The following ALDH1A2 variants were observed in gnomAD, a reference collection of about 807,000 sequenced individuals.
ALDH1A2 encodes the protein aldehyde dehydrogenase 1 family member A2, also known as retinal dehydrogenase 2.
In ALDH1A2, 27 loss-of-function variants were observed where a neutral mutation model predicts 60.3. That is an observed-to-expected ratio of 0.45 (90% CI 0.33 to 0.62). The LOEUF is 0.62. ALDH1A2 is among the 20% of genes least tolerant of loss of function. ALDH1A2 has a pLI of 0.02. For missense variants in ALDH1A2, 581 were observed against 643.8 expected (o/e 0.90, Z 1.06); for synonymous variants, 289 against 232.4 (o/e 1.24, Z -2.21).
Position 57,962,149 on chromosome 15 carries a change from A to G in ALDH1A2, c.1114T>C (p.Leu372=). 1.2e-6 allele frequency: 2 copies of G among 1,614,184 alleles called. No individual in the cohort carries two copies. The highest frequency in any genetic ancestry group is 2.2e-5 in the South Asian group (2 of 91,088). Residue 372 remains leucine, a synonymous_variant, in exon 10 of 13, where the codon TTG becomes CTG. Transcript: ENST00000249750. ...GCCACACCACTCTGGATGAGTTCCA[A>G]GATCTTGTTGTACTGTTTCTTATCA... ...QIDKKQYNKI[L]ELIQSGVAEG... is the part of the protein sequence containing the mutation.
At chr15:58,006,064 G>T (rs572507489) in intron 4 of ALDH1A2, among the ~76,000 whole-genome samples, 17 of 151,548 alleles carry the variant, frequency 1.1e-4, no homozygotes, top group Admixed American at 5.9e-4. Context: ...AGTACAGGTG[G>T]TGTTTGGTTA....
chr15:57,975,273 G>T (rs564062994), intron 7 of ALDH1A2, among the ~76,000 whole-genome samples: 1 of 152,296 alleles, frequency 6.6e-6, no homozygotes, highest in South Asian at 2.1e-4. Flanking sequence ...GCTTTTATTA[G>T]TCCCAAACTG....
At chr15:57,963,372 G>C (rs1281073646) in intron 9 of ALDH1A2, among the ~76,000 whole-genome samples, 4 of 149,276 alleles carry the variant, frequency 2.7e-5, no homozygotes, top group Admixed American at 6.7e-5. Flanking sequence ...TTGAGACGGA[G>C]TCTTGCTCTT....
Position 57,972,077 on chromosome 15 carries a change from A to T in ALDH1A2, c.799-6250T>A, listed in dbSNP as rs991198704. On this transcript the variant is annotated intron_variant, in intron 7 of 12. Coordinates refer to ENST00000249750, the MANE Select transcript of ALDH1A2 (RefSeq NM_003888.4). ...CTATTCTGTCTACTTGTTTTCACAA[A>T]CATTATTTTATTTAATCTTCATGAC... Among the ~76,000 whole-genome samples the T allele has an allele frequency of 3.0e-4, 45 of 152,292 alleles. 1 individual carries two copies. The East Asian group carries it at 3.3e-3, about 11-fold the overall frequency.
intron 7 of ALDH1A2, among the ~76,000 whole-genome samples, chr15:57,971,419 A>AAAT (rs1894063033): frequency 6.6e-6 from 1 of 152,198 alleles, no homozygotes. Flanking sequence ...ACTTTTAAAA[A>AAAT]AATATGCATA....
intron 1 of ALDH1A2, chr15:58,014,514 T>G: frequency 1.7e-6 from 1 of 572,854 alleles, no homozygotes; most frequent in South Asian, 1.5e-5. Context: ...CATGAACCTG[T>G]CAACTAACTA....
chr15:58,009,926 C>T (rs1179560491), intron 4 of ALDH1A2, among the ~76,000 whole-genome samples: 1 of 152,100 alleles, frequency 6.6e-6, no homozygotes, highest in Non-Finnish European at 1.5e-5. Flanking sequence ...AAAATCTCTT[C>T]ACTGACTGCT....
At position 58,022,341 on chromosome 15, in the gene ALDH1A2, C is replaced by T. The variant is rs182887098; in HGVS notation, c.118-8060G>A. On this transcript the variant is annotated intron_variant, in intron 1 of 12. Coordinates refer to ENST00000249750, the MANE Select transcript of ALDH1A2 (RefSeq NM_003888.4). ...CCACTACCACATAAGCTGAAATCTA[C>T]CTGCAAGTGCAACCTCGGGCCTGGA... Among the ~76,000 whole-genome samples the T allele has an allele frequency of 3.0e-3, 461 of 152,292 alleles. 3 individuals carry two copies. Among genetic ancestry groups the T allele is most frequent in the African/African-American group, 0.011 (441 of 41,546 alleles).
intron 1 of ALDH1A2, among the ~76,000 whole-genome samples, chr15:58,029,753 T>A (rs1464522395): frequency 6.6e-6 from 1 of 152,092 alleles, no homozygotes; most frequent in Non-Finnish European, 1.5e-5. Flanking sequence ...GAGAATACTA[T>A]AAACACCTCT....
intron 1 of ALDH1A2, among the ~76,000 whole-genome samples, chr15:58,056,529 C>T (rs1290183758): frequency 6.6e-6 from 1 of 152,152 alleles, no homozygotes; most frequent in East Asian, 1.9e-4. Context: ...AATAGGAATG[C>T]ATTTCTGAAA....
At chr15:58,033,049 G>T (rs535210175) in intron 1 of ALDH1A2, among the ~76,000 whole-genome samples, 2 of 152,050 alleles carry the variant, frequency 1.3e-5, no homozygotes, top group South Asian at 4.1e-4. Flanking sequence ...ATGAAGAGAG[G>T]TAGGTTAAAG....
At chr15:57,972,594 A>ATAGTTAGT (rs4646614) in intron 7 of ALDH1A2, among the ~76,000 whole-genome samples, 1 of 151,692 alleles carries the variant, frequency 6.6e-6, no homozygotes, top group South Asian at 2.1e-4. Flanking sequence ...TTGACTTAGC[A>ATAGTTAGT]TAGTTAGAGA....
At chr15:57,982,396 T>C (rs1894545482) in intron 7 of ALDH1A2, among the ~76,000 whole-genome samples, 1 of 152,236 alleles carries the variant, frequency 6.6e-6, no homozygotes, top group Non-Finnish European at 1.5e-5. Flanking sequence ...CAAAACTTAC[T>C]GAAAAAGTGA....
intron 3 of ALDH1A2, 34 bp downstream of exon 3, chr15:58,013,824 G>T (rs200477326): frequency 3.1e-6 from 5 of 1,613,482 alleles, no homozygotes; most frequent in Non-Finnish European, 4.2e-6. Context: ...GGCAAATGTG[G>T]GTTAAAGACT....
chr15:58,062,554 A>C (rs934075417), intron 1 of ALDH1A2, among the ~76,000 whole-genome samples: 3 of 152,234 alleles, frequency 2.0e-5, no homozygotes, highest in African/African-American at 7.2e-5. Context: ...AAAATTTTAA[A>C]TTCATAAACA....
At chr15:58,052,519 G>A (rs1896801955) in intron 1 of ALDH1A2, among the ~76,000 whole-genome samples, 1 of 152,042 alleles carries the variant, frequency 6.6e-6, no homozygotes, top group South Asian at 2.1e-4. Context: ...AGGCTGCAGT[G>A]CAGTGGCGCA....
chr15:57,977,781 T>C (rs1434829860), intron 7 of ALDH1A2, among the ~76,000 whole-genome samples: 1 of 151,738 alleles, frequency 6.6e-6, no homozygotes, highest in African/African-American at 2.4e-5. Context: ...CGGGATAGCA[T>C]TGAATTTATA....
chr15:58,032,372 G>T (rs1896263755), intron 1 of ALDH1A2, among the ~76,000 whole-genome samples: 1 of 152,082 alleles, frequency 6.6e-6, no homozygotes, highest in African/African-American at 2.4e-5. Flanking sequence ...GGGGAAGGGG[G>T]TAGGGATAGC....
intron 7 of ALDH1A2, among the ~76,000 whole-genome samples, chr15:57,987,942 TGA>T (rs1430103844): frequency 6.7e-6 from 1 of 148,762 alleles, no homozygotes; most frequent in African/African-American, 2.5e-5. Context: ...AAACAAAAGC[TGA>T]GAGAAGTCAT....
Sources: allele counts gnomAD v4.1 joint callset (sites outside exome capture counted in the v4.1 genomes callset), GRCh38; gene constraint gnomAD v4.1.1; transcripts MANE v1.5; gene names NCBI Gene and HGNC (gene_info 2026-07-23, HGNC 2026-07-21).